LRRC38: variants seen among roughly 807,000 people sequenced by gnomAD.
LRRC38 encodes leucine-rich repeat-containing protein 38.
In LRRC38, 5 loss-of-function variants were observed where a neutral mutation model predicts 16.4. The observed-to-expected ratio is 0.31, with a 90% CI of 0.16 to 0.64. The LOEUF (loss-of-function observed/expected upper bound fraction) is 0.64, where lower values mean the gene tolerates loss of function less well. Among genes scored for constraint, LRRC38 ranks in the 30% least tolerant of loss-of-function variants. LRRC38 has a pLI of 0.80. For synonymous variants in LRRC38, 191 were observed against 190.2 expected, an observed-to-expected ratio of 1.00 and a Z score of -0.04; for missense variants, 341 against 401.8, an observed-to-expected ratio of 0.85 and a Z score of 1.29.
chr1:13,506,693 A>G (rs1639217490), intron 1 of LRRC38, among the ~76,000 whole-genome samples: 2 of 152,318 alleles, frequency 1.3e-5, no homozygotes, highest in Admixed American at 1.3e-4. Context: ...TCCTGACTTC[A>G]GGTGATTCGC....
intron 1 of LRRC38, among the ~76,000 whole-genome samples, chr1:13,494,685 G>A (rs1452163631): frequency 6.6e-6 from 1 of 152,238 alleles, no homozygotes; most frequent in African/African-American, 2.4e-5. Flanking sequence ...TATGAGGGGA[G>A]CAGTGCTGAA....
chr1:13,509,387 C>CA (rs1639249664), intron 1 of LRRC38, among the ~76,000 whole-genome samples: 1 of 152,132 alleles, frequency 6.6e-6, no homozygotes, highest in Non-Finnish European at 1.5e-5. Flanking sequence ...TGGGCTGTGT[C>CA]AGATGCTCTG....
At chr1:13,501,156 T>C (rs991133445) in intron 1 of LRRC38, among the ~76,000 whole-genome samples, 1 of 152,054 alleles carries the variant, frequency 6.6e-6, no homozygotes, top group African/African-American at 2.4e-5. Context: ...CTAATATAGA[T>C]ATATATACGC....
intron 1 of LRRC38, among the ~76,000 whole-genome samples, chr1:13,495,274 T>C (rs556208533): frequency 1.3e-5 from 2 of 152,320 alleles, no homozygotes; most frequent in African/African-American, 4.8e-5. Context: ...GTCAGTGTTC[T>C]GGCTCAAGGG....
At chr1:13,497,852 T>C (rs532295848) in intron 1 of LRRC38, among the ~76,000 whole-genome samples, 241 of 148,776 alleles carry the variant, frequency 1.6e-3, no homozygotes, top group Non-Finnish European at 2.9e-3. Context: ...TCCCAGCTAC[T>C]CAGGAGATGA....
At chr1:13,508,726 A>G (rs1006179482) in intron 1 of LRRC38, among the ~76,000 whole-genome samples, 10 of 152,228 alleles carry the variant, frequency 6.6e-5, no homozygotes, top group Non-Finnish European at 1.5e-5. Context: ...AAAAAGAAAT[A>G]GAGTCACCTG....
intron 1 of LRRC38, among the ~76,000 whole-genome samples, chr1:13,508,207 A>G (rs1639234213): frequency 6.6e-6 from 1 of 152,226 alleles, no homozygotes; most frequent in Non-Finnish European, 1.5e-5. Flanking sequence ...ACTGCACTCC[A>G]GCCTGGGTGG....
intron 1 of LRRC38, among the ~76,000 whole-genome samples, chr1:13,512,123 G>A (rs1249279183): frequency 1.3e-5 from 2 of 152,274 alleles, no homozygotes; most frequent in Non-Finnish European, 2.9e-5. Flanking sequence ...TGGGAGGCTG[G>A]AATCCACTTG....
chr1:13,493,490 C>T (rs113311576), intron 1 of LRRC38, among the ~76,000 whole-genome samples: 3 of 152,282 alleles, frequency 2.0e-5, no homozygotes, highest in Admixed American at 6.5e-5. Flanking sequence ...CGTCCACATG[C>T]TAATCCTCAG....
chr1:13,479,225 T>C (rs1265252526), intron 1 of LRRC38, among the ~76,000 whole-genome samples: 1 of 152,114 alleles, frequency 6.6e-6, no homozygotes, highest in Non-Finnish European at 1.5e-5. Context: ...ACCTGCCTCC[T>C]AACAGCCTAC....
At chr1:13,481,979 T>G (rs1638875509) in intron 1 of LRRC38, among the ~76,000 whole-genome samples, 1 of 152,156 alleles carries the variant, frequency 6.6e-6, no homozygotes, top group South Asian at 2.1e-4. Flanking sequence ...CAATCTATGG[T>G]GTTTTCTTAT....
intron 1 of LRRC38, among the ~76,000 whole-genome samples, chr1:13,495,235 G>A (rs1356282459): frequency 6.6e-6 from 1 of 152,206 alleles, no homozygotes; most frequent in Non-Finnish European, 1.5e-5. Context: ...AGCCCAGGCT[G>A]CACAGGCCCA....
At chr1:13,506,944 C>T (rs1388361058) in intron 1 of LRRC38, among the ~76,000 whole-genome samples, 1 of 152,220 alleles carries the variant, frequency 6.6e-6, no homozygotes, top group Admixed American at 6.5e-5. Flanking sequence ...TACCTACTGG[C>T]GATACTGTCC....
At chr1:13,500,170 A>G (rs181470920) in intron 1 of LRRC38, among the ~76,000 whole-genome samples, 50 of 151,332 alleles carry the variant, frequency 3.3e-4, no homozygotes, top group South Asian at 1.5e-3. Context: ...CAGGAGAATC[A>G]CTTGAACCCG....
chr1:13,495,397 C>T (rs951927925), intron 1 of LRRC38, among the ~76,000 whole-genome samples: 3 of 151,788 alleles, frequency 2.0e-5, no homozygotes, highest in Admixed American at 6.6e-5. Context: ...AGACCTGAGA[C>T]GTGCAAGAGG....
At chr1:13,481,385 ATTT>A in intron 1 of LRRC38, among the ~76,000 whole-genome samples, 1 of 115,318 alleles carries the variant, frequency 8.7e-6, no homozygotes. Flanking sequence ...TGTTTTTTTT[ATTT>A]TTTTTTTTTT....
intron 1 of LRRC38, among the ~76,000 whole-genome samples, chr1:13,486,084 G>A (rs1435641610): frequency 2.0e-5 from 3 of 152,026 alleles, no homozygotes; most frequent in Non-Finnish European, 2.9e-5. Context: ...GATTACAGGC[G>A]CCCACCACCA....
chr1:13,513,484 G>C lies in LRRC38; in HGVS notation c.110C>G (p.Pro37Arg). 6.5e-7 allele frequency: 1 copy of C among 1,538,722 alleles called. No homozygotes were observed. The change falls in exon 1 of 2, where the codon CCG (proline) becomes CGG (arginine). Residue 37 changes from proline to arginine, a missense_variant. By Grantham distance (103) the Pro-to-Arg change is moderately radical. Transcript: ENST00000376085. ...GCGGTCGCGGCAGTCCACGGTGTGC[G>C]GGTCGGTGCAGGCGCAGCCCGCGGG... The part of the protein sequence containing the change: ...ACPAGCACTD[P>R]HTVDCRDRGL...
chr1:13,503,393 C>A (rs1389563040), intron 1 of LRRC38, among the ~76,000 whole-genome samples: 1 of 152,134 alleles, frequency 6.6e-6, no homozygotes, highest in Admixed American at 6.5e-5. Flanking sequence ...CTCAGCCTCC[C>A]GAGTAGCTGG....
Sources: gnomAD v4.1 joint callset for allele counts (sites outside exome capture counted in the v4.1 genomes callset) on GRCh38, gnomAD v4.1.1 for gene constraint, MANE v1.5 for transcripts, NCBI Gene and HGNC (gene_info 2026-07-23, HGNC 2026-07-21) for gene names.